Variants in PPP4R2 observed in about 807,000 individuals in gnomAD.
PPP4R2 encodes protein phosphatase 4 regulatory subunit 2.
Under a neutral mutation model 47.2 loss-of-function variants are expected in PPP4R2, and 13 were observed. The ratio of observed to expected loss-of-function variants is 0.28; its 90% CI spans 0.18 to 0.44. The LOEUF is 0.44. PPP4R2 is among the 20% of genes least tolerant of loss of function. PPP4R2 has a pLI of 1.00. For missense variants in PPP4R2, 421 were observed against 491.2 expected (o/e 0.86, Z 1.35); for synonymous variants, 151 against 163.3 (o/e 0.92, Z 0.57).
intron 2 of PPP4R2, among the ~76,000 whole-genome samples, chr3:73,032,196 C>A (rs1702178565): frequency 6.6e-6 from 1 of 151,886 alleles, no homozygotes; most frequent in Non-Finnish European, 1.5e-5. Flanking sequence ...TGTGTACTTT[C>A]TTTTATTTCT....
At chr3:73,019,793 T>C (rs1701922885) in intron 2 of PPP4R2, among the ~76,000 whole-genome samples, 1 of 152,208 alleles carries the variant, frequency 6.6e-6, no homozygotes, top group African/African-American at 2.4e-5. Flanking sequence ...CTCTCTTCTC[T>C]CCCAATTTCC....
At chr3:73,062,057 C>G in intron 5 of PPP4R2, 1 of 1,474,778 alleles carries the variant, frequency 6.8e-7, no homozygotes, top group Non-Finnish European at 9.1e-7. Flanking sequence ...TAAAGAAGTG[C>G]AGAGTCAAGT....
At chr3:73,037,453 G>A (rs1575866943) in intron 2 of PPP4R2, among the ~76,000 whole-genome samples, 1 of 152,112 alleles carries the variant, frequency 6.6e-6, no homozygotes, top group Non-Finnish European at 1.5e-5. Context: ...GTATTGCAGT[G>A]TTCTCCACCA....
Position 73,067,383 on chromosome 3 carries a change from A to G in PPP4R2, c.*1661A>G, listed in dbSNP as rs1703020508. The G allele has an allele frequency of 6.6e-6, 1 of 152,082 alleles. No individual in the cohort carries two copies. Among genetic ancestry groups the G allele is most frequent in the Admixed American group, 6.5e-5 (1 of 15,270 alleles). The allele number at this position is 152,082 out of a possible 1,614,324, so 9.4% of individuals were successfully genotyped here. ...TACTTAAATCATCATGGCTATAAAT[A>G]CCAAAACGATTTGGATCCATTTATG... On this transcript the variant is annotated 3_prime_UTR_variant, in exon 9 of 9. Coordinates refer to ENST00000356692, the MANE Select transcript of PPP4R2 (RefSeq NM_174907.4).
rs569602592 is a variant in PPP4R2, at chr3:73,051,154, A to T, written c.287+3798A>T. Among the ~76,000 whole-genome samples the T allele has an allele frequency of 3.3e-5, 5 of 152,200 alleles. No homozygotes were observed. In the South Asian group the frequency reaches 6.2e-4, roughly 19 times the overall value. ...GGTCTTGAATTCCAGACCTCAGGTG[A>T]TCCACCCACCTTGGCCTCCCAAAGT... On this transcript the variant is annotated intron_variant, in intron 3 of 8. Coordinates refer to ENST00000356692, the MANE Select transcript of PPP4R2 (RefSeq NM_174907.4).
At chr3:73,034,187 G>T (rs938148260) in intron 2 of PPP4R2, among the ~76,000 whole-genome samples, 7 of 152,080 alleles carry the variant, frequency 4.6e-5, no homozygotes, top group African/African-American at 1.7e-4. Context: ...TGAACCTCTT[G>T]TACTACTATT....
At chr3:73,044,705 C>G (rs1559561646) in intron 2 of PPP4R2, among the ~76,000 whole-genome samples, 1 of 152,122 alleles carries the variant, frequency 6.6e-6, no homozygotes, top group Non-Finnish European at 1.5e-5. Flanking sequence ...TACATTTCCC[C>G]AAGATTAATG....
At chr3:73,040,355 T>G (rs1202560068) in intron 2 of PPP4R2, among the ~76,000 whole-genome samples, 2 of 152,202 alleles carry the variant, frequency 1.3e-5, no homozygotes, top group African/African-American at 4.8e-5. Context: ...TCTTGACGTA[T>G]GTACTTCATA....
At chr3:73,029,857 G>A (rs1702136199) in intron 2 of PPP4R2, among the ~76,000 whole-genome samples, 1 of 152,192 alleles carries the variant, frequency 6.6e-6, no homozygotes, top group South Asian at 2.1e-4. Context: ...AATTAAGGAG[G>A]AGTGATCAAC....
At position 73,062,000 on chromosome 3, in the gene PPP4R2, A is replaced by C. The variant is rs1702869158; in HGVS notation, c.419+940A>C. The C allele has an allele frequency of 7.8e-6, 8 of 1,023,362 alleles. No individual in the cohort carries two copies. In the African/African-American group the frequency reaches 1.2e-4, roughly 15 times the overall value. 63.4% of individuals were successfully genotyped at this position (1,023,362 alleles called of 1,614,324 possible). A position where few individuals can be genotyped will look rare whatever the true frequency, so the allele number is the denominator to read the frequency against. On this transcript the variant is annotated intron_variant, in intron 5 of 8. Transcript: ENST00000356692. Reference sequence around the variant, plus strand: ...GATAAAAATTTCTTTTATGAAGCAAAATATGTTTTGTTTTGCTCATGAACG... The same window carrying C: ...GATAAAAATTTCTTTTATGAAGCAACATATGTTTTGTTTTGCTCATGAACG...
Position 73,065,960 on chromosome 3 carries a change from A to G in PPP4R2, c.*238A>G. The G allele has an allele frequency of 3.3e-6, 1 of 306,714 alleles. No homozygotes were observed. Among genetic ancestry groups the G allele is most frequent in the East Asian group, 5.1e-5 (1 of 19,444 alleles). 19.0% of individuals were successfully genotyped at this position (306,714 alleles called of 1,614,324 possible). A position where few individuals can be genotyped will look rare whatever the true frequency, so the allele number is the denominator to read the frequency against. Reference sequence around the variant, plus strand: ...TTCTTTCTTTTTTTGGTCTGGGCAAATCAGTGGTTTGTGTATAGATTTTTT... The same window carrying G: ...TTCTTTCTTTTTTTGGTCTGGGCAAGTCAGTGGTTTGTGTATAGATTTTTT... On this transcript the variant is annotated 3_prime_UTR_variant, in exon 9 of 9. Coordinates refer to ENST00000356692, the MANE Select transcript of PPP4R2 (RefSeq NM_174907.4).
chr3:73,058,506 C>CT (rs200293076), intron 3 of PPP4R2, among the ~76,000 whole-genome samples: 95 of 150,360 alleles, frequency 6.3e-4, no homozygotes, highest in East Asian at 1.6e-3. Context: ...TTCTAAGTTG[C>CT]TTTTTTTTTA....
intron 2 of PPP4R2, among the ~76,000 whole-genome samples, chr3:73,010,371 G>A (rs1328383680): frequency 6.6e-6 from 1 of 151,918 alleles, no homozygotes; most frequent in Non-Finnish European, 1.5e-5. Context: ...CCAGAGGCAT[G>A]TGCCACCATG....
intron 4 of PPP4R2, among the ~76,000 whole-genome samples, chr3:73,059,455 C>T (rs1702796877): frequency 1.3e-5 from 2 of 152,264 alleles, no homozygotes; most frequent in South Asian, 4.1e-4. Flanking sequence ...GTTTTATAAA[C>T]TTACACATGG....
At chr3:73,032,289 CT>C (rs199550474) in intron 2 of PPP4R2, among the ~76,000 whole-genome samples, 1,512 of 144,782 alleles carry the variant, frequency 0.01, 11 homozygotes, top group Non-Finnish European at 0.016. Flanking sequence ...AAAATTATTT[CT>C]TTTTTTTTTT....
chr3:73,002,634 C>CTTTT (rs1173734970), intron 2 of PPP4R2, among the ~76,000 whole-genome samples: 35 of 41,170 alleles, frequency 8.5e-4, no homozygotes, highest in East Asian at 2.2e-3. Context: ...CTTTTCTTTT[C>CTTTT]TTTTTTTTTT....
intron 2 of PPP4R2, among the ~76,000 whole-genome samples, chr3:73,012,372 T>C (rs1701742835): frequency 6.6e-6 from 1 of 152,166 alleles, no homozygotes; most frequent in Non-Finnish European, 1.5e-5. Context: ...CAATCTCAGC[T>C]CACTGCAACC....
At chr3:73,014,971 G>T (rs150726254) in intron 2 of PPP4R2, 2 of 694,244 alleles carry the variant, frequency 2.9e-6, no homozygotes, top group East Asian at 5.4e-5. Context: ...CCCAAACTGC[G>T]GGGATTGCAG....
intron 2 of PPP4R2, among the ~76,000 whole-genome samples, chr3:73,026,231 C>CTA (rs1702060608): frequency 6.6e-6 from 1 of 152,082 alleles, no homozygotes; most frequent in Non-Finnish European, 1.5e-5. Flanking sequence ...TTCTTTTCTC[C>CTA]TAAATTACTC....
Sources: allele counts gnomAD v4.1 joint callset (sites outside exome capture counted in the v4.1 genomes callset), GRCh38; gene constraint gnomAD v4.1.1; transcripts MANE v1.5; gene names NCBI Gene and HGNC (gene_info 2026-07-23, HGNC 2026-07-21).